PLXNA4: variants seen among roughly 807,000 people sequenced by gnomAD.
The protein encoded by PLXNA4 is plexin A4, also known as plexin-A4.
Under a neutral mutation model 191.8 loss-of-function variants are expected in PLXNA4, and 44 were observed. That is an observed-to-expected ratio of 0.23 (90% CI 0.18 to 0.29). The LOEUF (loss-of-function observed/expected upper bound fraction) is 0.29, where lower values mean the gene tolerates loss of function less well. Ranked by LOEUF, PLXNA4 falls within the 10% of genes least tolerant of loss-of-function variation. The pLI is 1.00. For missense variants in PLXNA4, 1,800 were observed against 2,488.8 expected (o/e 0.72, Z 5.89); for synonymous variants, 1,082 against 1,009.5 (o/e 1.07, Z -1.36).
In PLXNA4 at chr7:132,168,358, T is replaced by C. The variant is rs1295274227; in HGVS notation, c.4232A>G (p.Asp1411Gly). 6.2e-7 allele frequency: 1 copy of C among 1,605,378 alleles called. No homozygotes were observed. The highest frequency in any genetic ancestry group is 8.5e-7 in the Non-Finnish European group (1 of 1,174,558). Residue 1411 changes from aspartate to glycine, a missense_variant, in exon 22 of 32, where the codon GAC becomes GGC. Physicochemically the swap from Asp to Gly is moderately conservative, Grantham distance 94. Transcript: ENST00000321063. ...GCTCTCCAGGTTCTTGTCAATGAGGTCGGCCAGCAGCTGCTTCAGCACATC... is the reference window on the plus strand; with the variant it reads ...GCTCTCCAGGTTCTTGTCAATGAGGCCGGCCAGCAGCTGCTTCAGCACATC... ...ATDVLKQLLA[D>G]LIDKNLESKN...
intron 2 of PLXNA4, among the ~76,000 whole-genome samples, chr7:132,500,781 C>T (rs1317575174): frequency 2.0e-5 from 3 of 152,078 alleles, no homozygotes; most frequent in East Asian, 3.9e-4. Flanking sequence ...ATTTCTCTTT[C>T]CTTAGGAGCT....
chr7:132,583,049 A>G lies in PLXNA4; in HGVS notation c.-87+62879T>C, dbSNP rs143614637. On this transcript the variant is annotated intron_variant, in intron 2 of 4. Transcript: ENST00000378539. ...GCTTGAAAGCATCCACAAACAGAATACTGAAATCCAGCACTCACTTAAGAT... is the reference window on the plus strand; with the variant it reads ...GCTTGAAAGCATCCACAAACAGAATGCTGAAATCCAGCACTCACTTAAGAT... 4.9e-4 allele frequency among the ~76,000 whole-genome samples: 74 copies of G among 152,322 alleles called. 2 individuals are homozygous for G. In the East Asian group the frequency reaches 0.014, roughly 29 times the overall value.
chr7:132,635,789 T>C (rs10225527), intron 2 of PLXNA4, among the ~76,000 whole-genome samples: 54,126 of 150,472 alleles, frequency 0.36, 10,392 homozygotes, highest in Middle Eastern at 0.43. Flanking sequence ...TCCAACTAAC[T>C]CCGGAAGATG....
rs1168484955 is a variant in PLXNA4, at chr7:132,210,928, G to T, written c.2298+15C>A. 1.2e-6 allele frequency: 2 copies of T among 1,607,662 alleles called. No individual in the cohort carries two copies. The highest frequency in any genetic ancestry group is 1.7e-6 in the Non-Finnish European group (2 of 1,177,038). ...TGGGGCCTGGTTTGGCAGTGGGCAG[G>T]GTTGGGCGACTCACAGAGGTGTTCT... On this transcript the variant is annotated intron_variant, in intron 10 of 31. Coordinates refer to ENST00000321063, the MANE Select transcript of PLXNA4 (RefSeq NM_020911.2).
intron 2 of PLXNA4, among the ~76,000 whole-genome samples, chr7:132,606,928 A>G (rs1473816113): frequency 6.6e-6 from 1 of 152,222 alleles, no homozygotes; most frequent in African/African-American, 2.4e-5. Context: ...TCAGGAATGC[A>G]TCCCAAAGTG....
intron 1 of PLXNA4, among the ~76,000 whole-genome samples, chr7:132,561,808 CCTCT>C (rs1475826655): frequency 7.1e-6 from 1 of 140,324 alleles, no homozygotes; most frequent in Non-Finnish European, 1.5e-5. Context: ...TCCTTATCCT[CCTCT>C]TTCTCCTCCT....
At chr7:132,378,611 T>A (rs1321171875) in intron 3 of PLXNA4, among the ~76,000 whole-genome samples, 1 of 152,204 alleles carries the variant, frequency 6.6e-6, no homozygotes, top group African/African-American at 2.4e-5. Context: ...GCATGGCAGA[T>A]GATTAACTTC....
rs552623505 is a variant in PLXNA4, at chr7:132,130,427, T to G, written c.*52A>C. The G allele has an allele frequency of 1.9e-6, 3 of 1,613,376 alleles. No homozygotes were observed. The highest frequency in any genetic ancestry group is 2.2e-5 in the South Asian group (2 of 91,034). On this transcript the variant is annotated 3_prime_UTR_variant, in exon 32 of 32. Transcript: ENST00000321063. Reference sequence around the variant, plus strand: ...ACTTGGTAAAGATGATAATCTAGACTGAGGCACGGCTTGGTGTGTCCCCCT... The same window carrying G: ...ACTTGGTAAAGATGATAATCTAGACGGAGGCACGGCTTGGTGTGTCCCCCT...
intron 3 of PLXNA4, among the ~76,000 whole-genome samples, chr7:132,438,643 G>T (rs1464533692): frequency 3.9e-5 from 6 of 152,270 alleles, no homozygotes; most frequent in Non-Finnish European, 8.8e-5. Context: ...TAGACTATGG[G>T]AGTATTCTAT....
chr7:132,155,436 C>T (rs1795762494), intron 25 of PLXNA4, among the ~76,000 whole-genome samples: 2 of 152,228 alleles, frequency 1.3e-5, no homozygotes, highest in South Asian at 4.1e-4. Flanking sequence ...CTCTGCTAGT[C>T]TGCTAAGAAG....
chr7:132,236,049 C>A (rs1183982573), intron 5 of PLXNA4, among the ~76,000 whole-genome samples: 1 of 152,188 alleles, frequency 6.6e-6, no homozygotes, highest in Non-Finnish European at 1.5e-5. Flanking sequence ...AACTGAGTGA[C>A]CCTGTGTGCT....
At chr7:132,638,732 C>A (rs1051707448) in intron 2 of PLXNA4, among the ~76,000 whole-genome samples, 1 of 152,002 alleles carries the variant, frequency 6.6e-6, no homozygotes, top group African/African-American at 2.4e-5. Flanking sequence ...TCTCTTTTAC[C>A]CTTTTTACCC....
At chr7:132,543,454 A>C (rs1800166268) in intron 1 of PLXNA4, among the ~76,000 whole-genome samples, 1 of 152,188 alleles carries the variant, frequency 6.6e-6, no homozygotes, top group Admixed American at 6.5e-5. Flanking sequence ...TGGCCCTATC[A>C]ATATTTACCA....
chr7:132,269,308 C>T (rs932372834), intron 4 of PLXNA4, among the ~76,000 whole-genome samples: 12 of 152,148 alleles, frequency 7.9e-5, no homozygotes, highest in Admixed American at 2.6e-4. Context: ...TTTTTTAGAG[C>T]AGTTTTAGGT....
At chr7:132,471,495 G>A (rs1158986636) in intron 3 of PLXNA4, among the ~76,000 whole-genome samples, 1 of 152,092 alleles carries the variant, frequency 6.6e-6, no homozygotes, top group African/African-American at 2.4e-5. Flanking sequence ...TGCTGGCTGA[G>A]TCCTCCCATG....
At chr7:132,515,770 T>C (rs1237678485) in intron 1 of PLXNA4, among the ~76,000 whole-genome samples, 5 of 152,214 alleles carry the variant, frequency 3.3e-5, no homozygotes, top group Admixed American at 2.0e-4. Context: ...GTTAGACTCA[T>C]TGTTCAAATG....
intron 3 of PLXNA4, among the ~76,000 whole-genome samples, chr7:132,341,783 C>A (rs1453686633): frequency 6.6e-6 from 1 of 152,080 alleles, no homozygotes; most frequent in East Asian, 1.9e-4. Context: ...TATAAATTCC[C>A]TGAGGAAGAT....
At chr7:132,174,456 C>G (rs770590718) in intron 21 of PLXNA4, among the ~76,000 whole-genome samples, 23 of 152,196 alleles carry the variant, frequency 1.5e-4, no homozygotes, top group Admixed American at 6.5e-5. Flanking sequence ...CTGAGGTTCC[C>G]CAATGTATTT....
intron 10 of PLXNA4, among the ~76,000 whole-genome samples, chr7:132,204,408 G>T (rs890190410): frequency 6.6e-6 from 1 of 152,192 alleles, no homozygotes; most frequent in South Asian, 2.1e-4. Flanking sequence ...TATTCCAGCC[G>T]ACTCTGCTCG....
Sources: allele counts gnomAD v4.1 joint callset (sites outside exome capture counted in the v4.1 genomes callset), GRCh38; gene constraint gnomAD v4.1.1; transcripts MANE v1.5; gene names NCBI Gene and HGNC (gene_info 2026-07-23, HGNC 2026-07-21).